The following UQCC2 variants were observed in gnomAD, a reference collection of about 807,000 sequenced individuals.
UQCC2 encodes breast cancer-associated protein SGA-81M.
In UQCC2, 21 loss-of-function variants were observed where a neutral mutation model predicts 19.9. The ratio of observed to expected loss-of-function variants is 1.05; its 90% CI spans 0.75 to 1.52. The LOEUF is 1.52. Among genes scored for constraint, UQCC2 ranks in the 40% most tolerant of loss-of-function variants. The pLI is 0.00. For missense variants in UQCC2, 135 were observed against 157.5 expected (o/e 0.86, Z 0.76); for synonymous variants, 57 against 60.9 (o/e 0.94, Z 0.30).
At chr6:33,699,227 C>A (rs772754646) in intron 3 of UQCC2, among the ~76,000 whole-genome samples, 1 of 152,240 alleles carries the variant, frequency 6.6e-6, no homozygotes, top group African/African-American at 2.4e-5. Context: ...TTACGCCACA[C>A]AATTTGCAAC....
chr6:33,707,165 C>T (rs1352847362), intron 1 of UQCC2, among the ~76,000 whole-genome samples: 1 of 152,186 alleles, frequency 6.6e-6, no homozygotes, highest in African/African-American at 2.4e-5. Context: ...CTCACACTGG[C>T]GCCATTCAGA....
At chr6:33,703,416 G>A (rs1765662958) in intron 1 of UQCC2, among the ~76,000 whole-genome samples, 1 of 152,066 alleles carries the variant, frequency 6.6e-6, no homozygotes, top group Non-Finnish European at 1.5e-5. Flanking sequence ...GCCCACCTCG[G>A]CCTCCCAAAG....
At chr6:33,697,783 C>G in intron 3 of UQCC2, 33 bp from the exon 4 acceptor site, 4 of 1,577,558 alleles carry the variant, frequency 2.5e-6, no homozygotes, top group Non-Finnish European at 3.5e-6. Flanking sequence ...GAGAGAGGGA[C>G]TGAAGTCTAA....
At chr6:33,701,222 A>T in intron 2 of UQCC2, 124 bp downstream of exon 2, 1 of 1,014,226 alleles carries the variant, frequency 9.9e-7, no homozygotes, top group Non-Finnish European at 1.4e-6. Flanking sequence ...GGTTGAAATT[A>T]CTGGTTTCAT....
intron 3 of UQCC2, among the ~76,000 whole-genome samples, chr6:33,699,752 T>C (rs1480952135): frequency 6.6e-6 from 1 of 152,156 alleles, no homozygotes; most frequent in African/African-American, 2.4e-5. Context: ...AAAGACACAT[T>C]TCTAGAATAC....
At position 33,699,401 on chromosome 6, in the gene UQCC2, G is replaced by C. The variant is rs1765612299; in HGVS notation, c.283+1043C>G. ...GCTGCCCTGAGGTGAACAAAACAGA[G>C]GGCAGAGGCAGGGCCTCTGGAACTT... is the stretch of plus-strand genomic sequence containing the variant. On this transcript the variant is annotated intron_variant, in intron 3 of 3. Transcript: ENST00000607484. Among the ~76,000 whole-genome samples, 4 of 152,282 alleles carry C rather than the reference G, an allele frequency of 2.6e-5. No homozygotes were observed. In the South Asian group the frequency reaches 8.3e-4, roughly 32 times the overall value.
At chr6:33,702,973 T>G (rs374373500) in intron 1 of UQCC2, among the ~76,000 whole-genome samples, 1 of 152,220 alleles carries the variant, frequency 6.6e-6, no homozygotes, top group Non-Finnish European at 1.5e-5. Context: ...ATCATGAGAA[T>G]GTACACCCAG....
chr6:33,703,912 GC>G (rs1438480965), intron 1 of UQCC2, among the ~76,000 whole-genome samples: 3 of 152,234 alleles, frequency 2.0e-5, no homozygotes, highest in Non-Finnish European at 4.4e-5. Flanking sequence ...ATGTCCTGCT[GC>G]ATTTAACAGT....
intron 1 of UQCC2, among the ~76,000 whole-genome samples, chr6:33,710,758 A>G (rs1381041221): frequency 1.3e-5 from 2 of 152,220 alleles, no homozygotes; most frequent in Non-Finnish European, 2.9e-5. Flanking sequence ...CCTGTTTAAC[A>G]CTGCTGTTTC....
chr6:33,700,442 A>G lies in UQCC2; in HGVS notation c.283+2T>C. The G allele has an allele frequency of 1.2e-6, 2 of 1,613,922 alleles. No homozygotes were observed. Among genetic ancestry groups the G allele is most frequent in the Non-Finnish European group, 1.7e-6 (2 of 1,179,840 alleles). On this transcript the variant is annotated splice_donor_variant, in intron 3 of 3. Coordinates refer to ENST00000607484, the MANE Select transcript of UQCC2 (RefSeq NM_032340.4). LOFTEE classifies it high-confidence loss of function. ...GAGAAAAGGCAGCTGTGCTTTCATTACCTGTGGACAGGATCAGCTTGTACT... is the reference window on the plus strand; with the variant it reads ...GAGAAAAGGCAGCTGTGCTTTCATTGCCTGTGGACAGGATCAGCTTGTACT...
At position 33,711,506 on chromosome 6, in the gene UQCC2, C is replaced by G. The variant is rs200786706; in HGVS notation, c.138+43G>C. ...GCGCTCGTTGGCCCCGCCCCTGCCT[C>G]GTCCTTTCCTCCCCTCGTCCCAGCC... On this transcript the variant is annotated intron_variant, in intron 1 of 3. Transcript: ENST00000607484. 7.5e-5 allele frequency: 117 copies of G among 1,563,450 alleles called. 2 individuals are homozygous for G. The South Asian group carries it at 1.0e-3, about 14-fold the overall frequency.
In UQCC2 at chr6:33,711,681, C is replaced by A; in HGVS notation, c.6G>T (p.Ala2=). 6.2e-7 allele frequency: 1 copy of A among 1,609,768 alleles called. No individual in the cohort carries two copies. Among genetic ancestry groups the A allele is most frequent in the Non-Finnish European group, 8.5e-7 (1 of 1,178,526 alleles). Residue 2 remains alanine (A), a synonymous_variant, in exon 1 of 4, where the codon GCG becomes GCT. Transcript: ENST00000607484. The part of the protein sequence containing the change: M[A]ASRYRRFLKL... ...TAAGAAAACGCCGGTACCGGCTGGC[C>A]GCCATCTTGGGCCCCGCGTGTTCCC...
At chr6:33,698,641 T>C (rs375601149) in intron 3 of UQCC2, 20 of 152,222 alleles carry the variant, frequency 1.3e-4, no homozygotes, top group African/African-American at 4.8e-4. Flanking sequence ...CTACCAACAC[T>C]TTGGGCCAGA....
chr6:33,708,430 T>C (rs984759587), intron 1 of UQCC2, among the ~76,000 whole-genome samples: 9 of 152,024 alleles, frequency 5.9e-5, no homozygotes, highest in African/African-American at 2.2e-4. Flanking sequence ...ATCTGTAAAA[T>C]GGGAACAGTA....
At position 33,696,922 on chromosome 6, in the gene UQCC2, T is replaced by G. The variant is rs1460767653; in HGVS notation, c.*731A>C. ...CGGTTCCAGAGAGAAGGATGCTCAA[T>G]ATCAGTAAGAGCCAAGGTTCCATGG... On this transcript the variant is annotated 3_prime_UTR_variant, in exon 4 of 4. Transcript: ENST00000607484. 1.3e-5 allele frequency: 2 copies of G among 152,300 alleles called. No individual in the cohort carries two copies. Among genetic ancestry groups the G allele is most frequent in the African/African-American group, 4.8e-5 (2 of 41,458 alleles). The allele number at this position is 152,300 out of a possible 1,614,324, so 9.4% of individuals were successfully genotyped here.
At chr6:33,700,384 G>T in intron 3 of UQCC2, 60 bp downstream of exon 3, 1 of 1,571,702 alleles carries the variant, frequency 6.4e-7, no homozygotes, top group Non-Finnish European at 8.8e-7. Context: ...ATTCCCCTTG[G>T]CCACTCAAAC....
At chr6:33,710,986 G>C (rs1300599114) in intron 1 of UQCC2, among the ~76,000 whole-genome samples, 1 of 152,174 alleles carries the variant, frequency 6.6e-6, no homozygotes, top group Non-Finnish European at 1.5e-5. Context: ...GTTAACTGGG[G>C]ATTAGCTCAG....
At chr6:33,704,856 G>A (rs1765680845) in intron 1 of UQCC2, among the ~76,000 whole-genome samples, 1 of 152,130 alleles carries the variant, frequency 6.6e-6, no homozygotes, top group Non-Finnish European at 1.5e-5. Context: ...ACACCCTCAA[G>A]CAGGTGTGGT....
chr6:33,708,393 G>A (rs145707908), intron 1 of UQCC2, among the ~76,000 whole-genome samples: 30 of 134,110 alleles, frequency 2.2e-4, no homozygotes, highest in African/African-American at 7.2e-4. Flanking sequence ...CCCCCAGTGC[G>A]TTGTCTTGTT....
Sources: allele counts gnomAD v4.1 joint callset (sites outside exome capture counted in the v4.1 genomes callset), GRCh38; gene constraint gnomAD v4.1.1; transcripts MANE v1.5; gene names NCBI Gene and HGNC (gene_info 2026-07-23, HGNC 2026-07-21).